The following NAA10 variants were observed in gnomAD, a reference collection of about 807,000 sequenced individuals.
NAA10 encodes the protein N-alpha-acetyltransferase 10.
NAA10 carries 6 observed loss-of-function variants against 19.2 expected under a neutral mutation model. The observed-to-expected ratio is 0.31, with a 90% CI of 0.17 to 0.62. NAA10 has a LOEUF of 0.62. Ranked by LOEUF, NAA10 falls within the 20% of genes least tolerant of loss-of-function variation. NAA10 has a pLI of 0.83. For missense variants in NAA10, 101 were observed against 198.4 expected (o/e 0.51, Z 2.95); for synonymous variants, 97 against 79.9 (o/e 1.21, Z -1.14).
intron 6 of NAA10, chrX:153,931,304 A>G: frequency 4.5e-6 from 4 of 880,657 alleles, no homozygotes; most frequent in Non-Finnish European, 4.2e-6. Flanking sequence ...GCTGGACTCA[A>G]TGGCCTAGGC....
At chrX:153,930,993 G>T in intron 6 of NAA10, 146 bp from the exon 7 acceptor site, 1 of 1,185,366 alleles carries the variant, frequency 8.4e-7, no homozygotes. Flanking sequence ...AGTGTGACCT[G>T]CCCTCTGTTC....
chrX:153,931,157 T>C (rs1242552735), intron 6 of NAA10: 3 of 977,632 alleles, frequency 3.1e-6, no homozygotes, highest in Non-Finnish European at 3.9e-6. Context: ...CCCTGCGCCC[T>C]GTCCCTTACT....
chrX:153,931,333 G>A, intron 6 of NAA10: 1 of 854,841 alleles, frequency 1.2e-6, no homozygotes, highest in Non-Finnish European at 1.4e-6. Flanking sequence ...CCAGGCCTAA[G>A]ACATGAGGAT....
chrX:153,930,659 G>A, intron 7 of NAA10, 104 bp downstream of exon 7: 1 of 881,124 alleles, frequency 1.1e-6, no homozygotes, highest in Non-Finnish European at 1.7e-6. Flanking sequence ...TGGCAACGTA[G>A]CCACAAGAGC....
chrX:153,932,779 G>A (rs2065174215), intron 3 of NAA10, 195 bp from the exon 4 acceptor site: 1 of 473,057 alleles, frequency 2.1e-6, no homozygotes, highest in African/African-American at 2.4e-5. Context: ...CCTGCCGGGT[G>A]TGGGGCACAC....
chrX:153,932,588 G>A lies in NAA10; in HGVS notation c.180-4C>T, dbSNP rs1603290406. On this transcript the variant is annotated splice_region_variant and splice_polypyrimidine_tract_variant and intron_variant, in intron 3 of 7. Transcript: ENST00000464845. Reference sequence around the variant, plus strand: ...CACATCATCTGGGTCCTCTTCCCTGGAGAGGGAGAAAGGAGAGGCTGCAAA... The same window carrying A: ...CACATCATCTGGGTCCTCTTCCCTGAAGAGGGAGAAAGGAGAGGCTGCAAA... 3 of 1,202,378 alleles carry A rather than the reference G, an allele frequency of 2.5e-6. No homozygotes were observed. The highest frequency in any genetic ancestry group is 3.4e-6 in the Non-Finnish European group (3 of 889,688).
At position 153,930,787 on chromosome X, in the gene NAA10, C is replaced by A. The variant is rs782819896; in HGVS notation, c.447G>T (p.Arg149=). ...ADGEDAYAMK[R]DLTQMADELR... is the part of the protein sequence containing the mutation. Reference sequence around the variant, plus strand: ...CCTCGTCGGCCATCTGAGTGAGGTCCCGCTTCATGGCATAGGCGTCCTCCC... The same window carrying A: ...CCTCGTCGGCCATCTGAGTGAGGTCACGCTTCATGGCATAGGCGTCCTCCC... Residue 149 remains arginine, a synonymous_variant, in exon 7 of 8, where the codon CGG becomes CGT. Coordinates refer to ENST00000464845, the MANE Select transcript of NAA10 (RefSeq NM_003491.4). The A allele has an allele frequency of 2.6e-5, 31 of 1,210,422 alleles. No individual in the cohort carries two copies. The Admixed American group carries it at 6.5e-4, about 26-fold the overall frequency.
chrX:153,930,915 G>T (rs782652459), intron 6 of NAA10, 68 bp from the exon 7 acceptor site: 177 of 1,208,750 alleles, frequency 1.5e-4, no homozygotes, highest in Non-Finnish European at 1.9e-4. Flanking sequence ...TCCACTCCTG[G>T]TATCGTGGCT....
chrX:153,934,557 G>A, intron 1 of NAA10, 82 bp from the exon 2 acceptor site: 3 of 765,762 alleles, frequency 3.9e-6, no homozygotes, highest in Non-Finnish European at 3.9e-6. Context: ...CCGTCGGTCT[G>A]CTCGGCCCCG....
intron 7 of NAA10, 39 bp from the exon 8 acceptor site, chrX:153,930,262 A>C: frequency 8.8e-7 from 1 of 1,140,727 alleles, no homozygotes; most frequent in Non-Finnish European, 1.2e-6. Context: ...GGGCAAAGAG[A>C]CAGGGCCTAA....
intron 3 of NAA10, 102 bp downstream of exon 3, chrX:153,933,841 T>A: frequency 2.7e-6 from 2 of 749,057 alleles, no homozygotes; most frequent in Admixed American, 5.4e-5. Flanking sequence ...TTCTATAAAC[T>A]TTCAACTGTA....
chrX:153,934,240 C>T, intron 2 of NAA10, 137 bp downstream of exon 2: 1 of 611,836 alleles, frequency 1.6e-6, no homozygotes, highest in Non-Finnish European at 2.7e-6. Flanking sequence ...CCCCTGTCTG[C>T]CAGCTGAAAA....
intron 6 of NAA10, chrX:153,931,056 G>A (rs112529379): frequency 6.9e-5 from 78 of 1,133,090 alleles, no homozygotes; most frequent in African/African-American, 2.5e-4. Context: ...TCCTGCCCCC[G>A]TTCTGTGTCC....
Position 153,929,905 on chromosome X carries a change from G to A in NAA10, c.*82C>T, listed in dbSNP as rs1187988075. The stretch of plus-strand genomic sequence containing the variant: ...AGAAACACACCCTCTAAATGTGCGC[G>A]CGCTCACACACAAAGTTCCCCAGTG... On this transcript the variant is annotated 3_prime_UTR_variant, in exon 8 of 8. Coordinates refer to ENST00000464845, the MANE Select transcript of NAA10 (RefSeq NM_003491.4). The A allele has an allele frequency of 1.1e-5, 9 of 807,852 alleles. No homozygotes were observed. The highest frequency in any genetic ancestry group is 6.2e-5 in the South Asian group (3 of 48,341). 66.6% of individuals were successfully genotyped at this position (807,852 alleles called of 1,213,427 possible).
chrX:153,929,890 C>A lies in NAA10; in HGVS notation c.*97G>T. The A allele has an allele frequency of 1.4e-6, 1 of 716,216 alleles. No homozygotes were observed. 59.0% of individuals were successfully genotyped at this position (716,216 alleles called of 1,213,427 possible). On this transcript the variant is annotated 3_prime_UTR_variant, in exon 8 of 8. Coordinates refer to ENST00000464845, the MANE Select transcript of NAA10 (RefSeq NM_003491.4). ...CACCAGAGGACCTGGAGAAACACAC[C>A]CTCTAAATGTGCGCGCGCTCACACA...
rs782734516 is a variant in NAA10, at chrX:153,932,603, G to A, written c.180-19C>T. On this transcript the variant is annotated intron_variant, in intron 3 of 7. Transcript: ENST00000464845. ...CTCTTCCCTGGAGAGGGAGAAAGGAGAGGCTGCAAAGGAGCTCAGTGTAGG... is the reference window on the plus strand; with the variant it reads ...CTCTTCCCTGGAGAGGGAGAAAGGAAAGGCTGCAAAGGAGCTCAGTGTAGG... The A allele has an allele frequency of 1.1e-5, 13 of 1,196,245 alleles. No individual in the cohort carries two copies. The African/African-American group carries it at 1.4e-4, about 13-fold the overall frequency.
At chrX:153,933,460 C>T (rs988497879) in intron 3 of NAA10, among the ~76,000 whole-genome samples, 2 of 111,760 alleles carry the variant, frequency 1.8e-5, no homozygotes, top group African/African-American at 6.5e-5. Flanking sequence ...CACCTGAGGT[C>T]AGGAATTCGA....
rs1277937397 is a variant in NAA10, at chrX:153,929,656, C to T, written c.*331G>A. 2 of 294,473 alleles carry T rather than the reference C, an allele frequency of 6.8e-6. No homozygotes were observed. The highest frequency in any genetic ancestry group is 5.4e-5 in the African/African-American group (2 of 36,967). 24.3% of individuals were successfully genotyped at this position (294,473 alleles called of 1,213,427 possible). On this transcript the variant is annotated 3_prime_UTR_variant, in exon 8 of 8. Transcript: ENST00000464845. ...GGGAGCCCTGCTGTTGAGCTTTGAG[C>T]CTGAGCAGCCCCGGCTTGTGCCACA...
At chrX:153,934,830 C>T in intron 1 of NAA10, 54 bp downstream of exon 1, 2 of 968,410 alleles carry the variant, frequency 2.1e-6, no homozygotes, top group Non-Finnish European at 2.6e-6. Context: ...TGCGCGGCAG[C>T]CACCCGGCCC....
Sources: allele counts gnomAD v4.1 joint callset (sites outside exome capture counted in the v4.1 genomes callset), GRCh38; gene constraint gnomAD v4.1.1; transcripts MANE v1.5; gene names NCBI Gene and HGNC (gene_info 2026-07-23, HGNC 2026-07-21).